The following WDR25 variants were observed in gnomAD, a reference collection of about 807,000 sequenced individuals.
WDR25 encodes WD repeat domain 25.
In WDR25, 35 loss-of-function variants were observed where a neutral mutation model predicts 47.7. That is an observed-to-expected ratio of 0.73 (90% CI 0.56 to 0.97). WDR25 has a LOEUF of 0.97. WDR25 is among the 50% of genes least tolerant of loss of function. WDR25 has a pLI of 0.00. For synonymous variants in WDR25, 248 were observed against 278.9 expected, an observed-to-expected ratio of 0.89 and a Z score of 1.10; for missense variants, 634 against 704.7, an observed-to-expected ratio of 0.90 and a Z score of 1.14.
chr14:100,491,115 T>C (rs1900547574), intron 4 of WDR25, among the ~76,000 whole-genome samples: 1 of 152,222 alleles, frequency 6.6e-6, no homozygotes, highest in African/African-American at 2.4e-5. Context: ...CTGACCACAG[T>C]GTGCCTCCTG....
At chr14:100,391,504 C>T (rs753311825) in intron 2 of WDR25, among the ~76,000 whole-genome samples, 1 of 152,190 alleles carries the variant, frequency 6.6e-6, no homozygotes, top group Non-Finnish European at 1.5e-5. Flanking sequence ...CTTCCTCAAC[C>T]TTTCCTCAAA....
intron 2 of WDR25, among the ~76,000 whole-genome samples, chr14:100,419,252 G>A (rs116565437): frequency 8.7e-4 from 131 of 150,422 alleles, no homozygotes; most frequent in African/African-American, 3.1e-3. Flanking sequence ...TTTATTTCCC[G>A]TCTCCACAGG....
intron 4 of WDR25, among the ~76,000 whole-genome samples, chr14:100,519,709 A>G: frequency 7.0e-6 from 1 of 143,246 alleles, no homozygotes; most frequent in Admixed American, 7.2e-5. Context: ...TATAGTATAT[A>G]TAGTGTATAT....
At chr14:100,442,572 G>A (rs915415015) in intron 2 of WDR25, among the ~76,000 whole-genome samples, 4 of 152,112 alleles carry the variant, frequency 2.6e-5, no homozygotes, top group African/African-American at 9.7e-5. Context: ...CTTGTATCTC[G>A]ACCTGTTGCT....
chr14:100,528,965 T>A (rs574100055), intron 5 of WDR25, 103 bp from the exon 6 acceptor site: 1 of 1,393,280 alleles, frequency 7.2e-7, no homozygotes, highest in East Asian at 2.5e-5. Flanking sequence ...AGGAAACCAA[T>A]GGAGACACCC....
intron 2 of WDR25, among the ~76,000 whole-genome samples, chr14:100,455,714 A>G (rs1267017111): frequency 2.0e-5 from 3 of 152,236 alleles, no homozygotes; most frequent in African/African-American, 7.2e-5. Flanking sequence ...ACTCTTCACC[A>G]GAAATAGTGG....
In WDR25 at chr14:100,529,710, C is replaced by T; in HGVS notation, c.1414-110C>T. On this transcript the variant is annotated intron_variant, in intron 6 of 6. Coordinates refer to ENST00000402312, the MANE Select transcript of WDR25 (RefSeq NM_001161476.3). The surrounding 1 kb of genome is among the most constrained non-coding windows in gnomAD (Gnocchi z 5.1). ...GCCTCAGGGACACGAGGTGCGAAGC[C>T]CAGCTCTGCTCCGTCAGCTCGGGGC... The T allele has an allele frequency of 7.8e-7, 1 of 1,284,214 alleles. No individual in the cohort carries two copies. Among genetic ancestry groups the T allele is most frequent in the African/African-American group, 1.5e-5 (1 of 68,010 alleles). The allele number at this position is 1,284,214 out of a possible 1,614,324, so 79.6% of individuals were successfully genotyped here. A position where few individuals can be genotyped will look rare whatever the true frequency, so the allele number is the denominator to read the frequency against.
chr14:100,452,700 G>C (rs1052283948), intron 2 of WDR25, among the ~76,000 whole-genome samples: 26 of 151,828 alleles, frequency 1.7e-4, no homozygotes, highest in Admixed American at 2.0e-4. Context: ...TTTGTGGGGT[G>C]GGGGGCTATA....
rs1897466266 is a variant in WDR25 at position 100,404,218 on chromosome 14, TGGGGCTGA to T, written c.822+22474_822+22481del. Among the ~76,000 whole-genome samples, 1 of 152,188 alleles carries T rather than the reference TGGGGCTGA, an allele frequency of 6.6e-6. No individual in the cohort carries two copies. The highest frequency in any genetic ancestry group is 1.5e-5 in the Non-Finnish European group (1 of 68,020). ...ATGCCCCAACCTGCGTCCAAGGACC[TGGGGCTGA>T]GAGGGCCTCAGGGCACGGTGCTGCA... is the stretch of plus-strand genomic sequence containing the variant. On this transcript the variant is annotated intron_variant, in intron 2 of 6. Transcript: ENST00000402312. The surrounding 1 kb of genome is among the most constrained non-coding windows in gnomAD (Gnocchi z 4.6).
intron 2 of WDR25, among the ~76,000 whole-genome samples, chr14:100,448,901 G>T (rs1411335873): frequency 6.6e-6 from 1 of 151,962 alleles, no homozygotes; most frequent in East Asian, 2.0e-4. Context: ...AGAAGAGTAG[G>T]AGCCAACCAG....
chr14:100,492,787 TA>T (rs1233144284), intron 4 of WDR25, among the ~76,000 whole-genome samples: 1 of 152,242 alleles, frequency 6.6e-6, no homozygotes, highest in Non-Finnish European at 1.5e-5. Context: ...ATGCCTTAGT[TA>T]TTTTTTTGTC....
rs1322693561 is a variant in WDR25 at position 100,500,259 on chromosome 14, C to G, written c.1101+16135C>G. Among the ~76,000 whole-genome samples, 1 of 152,100 alleles carries G rather than the reference C, an allele frequency of 6.6e-6. No individual in the cohort carries two copies. The highest frequency in any genetic ancestry group is 2.4e-5 in the African/African-American group (1 of 41,418). ...GTGGCTTGCTCACTCTTACTTCTCT[C>G]CTGCTGCGGTTCTGGGTGGTTCAGG... On this transcript the variant is annotated intron_variant, in intron 4 of 6. Transcript: ENST00000402312. The surrounding 1 kb of genome is among the most constrained non-coding windows in gnomAD (Gnocchi z 4.7).
chr14:100,448,236 A>G (rs919426613), intron 2 of WDR25, among the ~76,000 whole-genome samples: 2 of 152,126 alleles, frequency 1.3e-5, no homozygotes, highest in South Asian at 2.1e-4. Context: ...ACATTGGAAA[A>G]TGTTAAGTGA....
At chr14:100,401,191 G>T (rs1484326686) in intron 2 of WDR25, among the ~76,000 whole-genome samples, 1 of 152,090 alleles carries the variant, frequency 6.6e-6, no homozygotes, top group Non-Finnish European at 1.5e-5. Context: ...CGCTGTTCCT[G>T]GGGCGGGAGA....
At chr14:100,435,818 G>T (rs1260026606) in intron 2 of WDR25, among the ~76,000 whole-genome samples, 1 of 152,206 alleles carries the variant, frequency 6.6e-6, no homozygotes, top group East Asian at 1.9e-4. Flanking sequence ...GAAGGACACA[G>T]TGCTGTGGAT....
chr14:100,376,595 C>G, intron 1 of WDR25, 100 bp downstream of exon 1: 1 of 1,231,970 alleles, frequency 8.1e-7, no homozygotes, highest in Non-Finnish European at 1.0e-6. Flanking sequence ...TAGCCGCTCG[C>G]CTTCCTTTCA....
rs1287702060 is a variant in WDR25, at chr14:100,428,019, C to G, written c.823-40002C>G. The stretch of plus-strand genomic sequence containing the variant: ...AGGCTCCTTCTACGAGGCTGGAAGC[C>G]TTTTCCTCCTGAGACCCTAACACGC... On this transcript the variant is annotated intron_variant, in intron 2 of 6. Coordinates refer to ENST00000402312, the MANE Select transcript of WDR25 (RefSeq NM_001161476.3). This position sits in a 1 kb window ranked among gnomAD's most constrained non-coding sequence, Gnocchi z 4.3. Among the ~76,000 whole-genome samples, 1 of 152,238 alleles carries G rather than the reference C, an allele frequency of 6.6e-6. No individual in the cohort carries two copies. Among genetic ancestry groups the G allele is most frequent in the Admixed American group, 6.5e-5 (1 of 15,292 alleles).
At chr14:100,423,930 C>T (rs368816049) in intron 2 of WDR25, among the ~76,000 whole-genome samples, 20 of 152,288 alleles carry the variant, frequency 1.3e-4, no homozygotes, top group East Asian at 9.6e-4. Flanking sequence ...GCACTGCTGT[C>T]CATACCTTAT....
At chr14:100,508,257 C>T (rs1293642997) in intron 4 of WDR25, among the ~76,000 whole-genome samples, 1 of 152,048 alleles carries the variant, frequency 6.6e-6, no homozygotes, top group African/African-American at 2.4e-5. Flanking sequence ...GAAACTAGGC[C>T]TTGAAGGAAC....
Sources: allele counts gnomAD v4.1 joint callset (sites outside exome capture counted in the v4.1 genomes callset), GRCh38; gene constraint gnomAD v4.1.1; non-coding constraint Gnocchi (gnomAD v3.1); transcripts MANE v1.5; gene names NCBI Gene and HGNC (gene_info 2026-07-23, HGNC 2026-07-21).